NBPF15: variants seen among roughly 807,000 people sequenced by gnomAD.
NBPF15 encodes the protein NBPF member 15.
NBPF15 carries 74 observed loss-of-function variants against 62.2 expected under a neutral mutation model. The ratio of observed to expected loss-of-function variants is 1.19; its 90% CI spans 0.99 to 1.44. NBPF15 has a LOEUF of 1.44. Among genes scored for constraint, NBPF15 ranks in the 40% most tolerant of loss-of-function variants. The pLI is 0.00. For synonymous variants in NBPF15, 244 were observed against 209.7 expected, an observed-to-expected ratio of 1.16 and a Z score of -1.41; for missense variants, 790 against 550.0, an observed-to-expected ratio of 1.44 and a Z score of -4.36.
At chr1:144,425,095 C>G (rs1471906176) in intron 19 of NBPF15, among the ~76,000 whole-genome samples, 8 of 146,616 alleles carry the variant, frequency 5.5e-5, no homozygotes, top group South Asian at 2.3e-4. Context: ...CACACACACA[C>G]ACACACACAG....
chr1:144,445,858 T>A (rs1374540959), intron 6 of NBPF15, among the ~76,000 whole-genome samples: 1 of 141,346 alleles, frequency 7.1e-6, no homozygotes, highest in East Asian at 2.0e-4. Context: ...CTTTCCTTTT[T>A]TTTTTTTTTT....
At chr1:144,443,367 T>A (rs1382180414) in intron 6 of NBPF15, among the ~76,000 whole-genome samples, 7 of 151,976 alleles carry the variant, frequency 4.6e-5, no homozygotes, top group Non-Finnish European at 7.4e-5. Context: ...AGCTTTAAAA[T>A]CAGGTTTGAA....
intron 8 of NBPF15, among the ~76,000 whole-genome samples, chr1:144,438,258 G>A (rs1334657087): frequency 1.5e-3 from 221 of 150,640 alleles, no homozygotes; most frequent in African/African-American, 5.2e-3. Flanking sequence ...AGAACCTCAA[G>A]GGCACATCAA....
chr1:144,450,903 G>A (rs782478496), intron 4 of NBPF15, 33 bp from the exon 5 acceptor site: 2 of 304,638 alleles, frequency 6.6e-6, no homozygotes, highest in Non-Finnish European at 9.6e-6. Context: ...GTGAAGGGAT[G>A]GGTTGCCCCT....
At chr1:144,425,103 C>CAG (rs1226137288) in intron 19 of NBPF15, among the ~76,000 whole-genome samples, 3 of 144,138 alleles carry the variant, frequency 2.1e-5, no homozygotes, top group Admixed American at 6.9e-5. Flanking sequence ...CACACACACA[C>CAG]AGACACACAC....
At chr1:144,460,033 T>G (rs1553547988) in intron 2 of NBPF15, among the ~76,000 whole-genome samples, 1 of 106,752 alleles carries the variant, frequency 9.4e-6, no homozygotes, top group Non-Finnish European at 1.9e-5. Flanking sequence ...GTACTTTTTT[T>G]TTTTTTTTTT....
At chr1:144,434,917 G>T (rs587672448) in intron 12 of NBPF15, among the ~76,000 whole-genome samples, 194 bp downstream of exon 12, 8 of 152,130 alleles carry the variant, frequency 5.3e-5, no homozygotes, top group Middle Eastern at 3.4e-3. Flanking sequence ...GCCTGGGGTT[G>T]AGTAACTTGA....
chr1:144,423,174 A>T lies in NBPF15; in HGVS notation c.1852T>A (p.Tyr618Asn). ...TGGAATGAGTCAGGTTGTTCAAAGT[A>T]CATTGACGGAGTCGAATAACATCTA... ...LDRCYSTPSM[Y>N]FEQPDSFQHY... is the part of the protein sequence containing the mutation. The change falls in exon 22 of 22, where the codon TAC becomes AAC. Residue 618 changes from tyrosine to asparagine, a missense_variant. Transcript: ENST00000581897. 2.5e-6 allele frequency: 4 copies of T among 1,611,622 alleles called. No homozygotes were observed. The highest frequency in any genetic ancestry group is 3.4e-6 in the Non-Finnish European group (4 of 1,179,600).
intron 13 of NBPF15, among the ~76,000 whole-genome samples, chr1:144,433,205 G>T (rs1675796231): frequency 6.6e-6 from 1 of 151,754 alleles, no homozygotes; most frequent in Non-Finnish European, 1.5e-5. Context: ...ATGACTACTG[G>T]GAAAATAACA....
chr1:144,455,937 G>T (rs1178769330), intron 4 of NBPF15, among the ~76,000 whole-genome samples: 2 of 152,010 alleles, frequency 1.3e-5, no homozygotes, highest in Admixed American at 6.6e-5. Context: ...ATTCCACTGT[G>T]GCCCATAAAT....
At chr1:144,424,127 T>G (rs1331396022) in intron 20 of NBPF15, among the ~76,000 whole-genome samples, 152 bp from the exon 21 acceptor site, 2 of 152,052 alleles carry the variant, frequency 1.3e-5, no homozygotes, top group African/African-American at 4.8e-5. Flanking sequence ...TGAAGGCTGG[T>G]CATGATATAA....
In NBPF15 at chr1:144,427,029, A is replaced by G. The variant is rs1343952034; in HGVS notation, c.1265+18T>C. 1.1e-4 allele frequency: 82 copies of G among 758,620 alleles called. No homozygotes were observed. The highest frequency in any genetic ancestry group is 1.8e-4 in the Non-Finnish European group (75 of 415,658). The allele number at this position is 758,620 out of a possible 1,614,324, so 47.0% of individuals were successfully genotyped here. On this transcript the variant is annotated intron_variant, in intron 17 of 21. Coordinates refer to ENST00000581897, the MANE Select transcript of NBPF15 (RefSeq NM_001385408.1). ...GGTGTCAACACACAATTAAGCATCCATAATTGCTCAAAGTTACCTGGGGCA... is the reference window on the plus strand; with the variant it reads ...GGTGTCAACACACAATTAAGCATCCGTAATTGCTCAAAGTTACCTGGGGCA...
At chr1:144,435,603 GCA>G (rs1284358534) in intron 11 of NBPF15, among the ~76,000 whole-genome samples, 176 bp downstream of exon 11, 1 of 152,056 alleles carries the variant, frequency 6.6e-6, no homozygotes, top group Non-Finnish European at 1.5e-5. Context: ...ATGACACTCG[GCA>G]CACACAGAGA....
intron 21 of NBPF15, 57 bp from the exon 22 acceptor site, chr1:144,423,313 C>A: frequency 6.2e-7 from 1 of 1,611,016 alleles, no homozygotes; most frequent in Non-Finnish European, 8.5e-7. Flanking sequence ...ACCACAGAGC[C>A]CCACTAGATT....
Position 144,435,122 on chromosome 1 carries a change from T to C in NBPF15, c.761A>G (p.His254Arg), listed in dbSNP as rs1677267746. ...AAAACAGAGGCTACCTGGAATAATG[T>C]GTACAGCATCCTCCCATTCAACATG... is the stretch of plus-strand genomic sequence containing the variant. ...SSHVEWEDAV[H>R]IIPENESDDE... Residue 254 changes from histidine (H) to arginine (R), a missense_variant, in exon 12 of 22, where the codon CAC (histidine) becomes CGC (arginine). Transcript: ENST00000581897. 2 of 1,612,812 alleles carry C rather than the reference T, an allele frequency of 1.2e-6. No individual in the cohort carries two copies.
intron 9 of NBPF15, 114 bp from the exon 10 acceptor site, chr1:144,437,223 T>A: frequency 9.5e-7 from 1 of 1,047,210 alleles, no homozygotes; most frequent in Non-Finnish European, 1.5e-6. Context: ...AAGCAGAAGG[T>A]CAGCACATGT....
At position 144,440,201 on chromosome 1, in the gene NBPF15, G is replaced by T. The variant is rs1266868090; in HGVS notation, c.-96C>A. 7.2e-6 allele frequency: 11 copies of T among 1,529,328 alleles called. No individual in the cohort carries two copies. The highest frequency in any genetic ancestry group is 7.1e-5 in the South Asian group (6 of 84,582). 94.7% of individuals were successfully genotyped at this position (1,529,328 alleles called of 1,614,324 possible). On this transcript the variant is annotated 5_prime_UTR_variant, in exon 7 of 22. Coordinates refer to ENST00000581897, the MANE Select transcript of NBPF15 (RefSeq NM_001385408.1). ...TAGGATCCTTCACCACAAAAACAAG[G>T]TTCGAGGTGCCTCAACTCAGAGCTG...
intron 4 of NBPF15, among the ~76,000 whole-genome samples, chr1:144,452,120 C>T (rs9970259): frequency 0.024 from 3,636 of 151,186 alleles, 166 homozygotes; most frequent in African/African-American, 0.084. Flanking sequence ...CCGTTGCATT[C>T]GAGCCCAAGG....
At chr1:144,444,031 A>C (rs1228767454) in intron 6 of NBPF15, among the ~76,000 whole-genome samples, 6 of 151,940 alleles carry the variant, frequency 3.9e-5, no homozygotes, top group African/African-American at 1.5e-4. Context: ...TCATGCATCA[A>C]TGTAATTTTA....
Sources: allele counts gnomAD v4.1 joint callset (sites outside exome capture counted in the v4.1 genomes callset), GRCh38; gene constraint gnomAD v4.1.1; transcripts MANE v1.5; gene names NCBI Gene and HGNC (gene_info 2026-07-23, HGNC 2026-07-21).